CCDC146: variants seen among roughly 807,000 people sequenced by gnomAD.
CCDC146 encodes the protein coiled-coil domain containing 146, also known as coiled-coil domain-containing protein 146.
Under a neutral mutation model 119.3 loss-of-function variants are expected in CCDC146, and 92 were observed. The ratio of observed to expected loss-of-function variants is 0.77; its 90% CI spans 0.65 to 0.92. CCDC146 has a LOEUF of 0.92. CCDC146 is among the 40% of genes least tolerant of loss of function. CCDC146 has a pLI of 0.00. For missense variants in CCDC146, 1,000 were observed against 1,103.0 expected, an observed-to-expected ratio of 0.91 and a Z score of 1.32; for synonymous variants, 372 against 371.8, an observed-to-expected ratio of 1.00 and a Z score of -0.01.
intron 11 of CCDC146, 52 bp downstream of exon 11, chr7:77,274,704 C>A (rs991480377): frequency 3.5e-6 from 5 of 1,446,198 alleles, no homozygotes; most frequent in Admixed American, 2.0e-5. Flanking sequence ...TTCAGGGTAG[C>A]CTCATTATAA....
At chr7:77,265,043 C>T (rs1435663508) in intron 9 of CCDC146, among the ~76,000 whole-genome samples, 3 of 152,148 alleles carry the variant, frequency 2.0e-5, no homozygotes, top group African/African-American at 7.2e-5. Context: ...TCCAACTTTC[C>T]AAGTTATTCT....
rs1410109408 is a variant in CCDC146, at chr7:77,295,170, A to T, written c.*304A>T. 5 of 245,964 alleles carry T rather than the reference A, an allele frequency of 2.0e-5. No homozygotes were observed. The highest frequency in any genetic ancestry group is 3.9e-5 in the Non-Finnish European group (5 of 126,650). 15.2% of individuals were successfully genotyped at this position (245,964 alleles called of 1,614,324 possible). A position where few individuals can be genotyped will look rare whatever the true frequency, so the allele number is the denominator to read the frequency against. ...AAATTTGTAGTAGGCAAGGTGCTAT[A>T]AAAATGCACTAAAAATAAATCTGTT... On this transcript the variant is annotated 3_prime_UTR_variant, in exon 19 of 19. Transcript: ENST00000285871.
chr7:77,172,423 T>C (rs975965707), intron 2 of CCDC146, among the ~76,000 whole-genome samples: 18 of 152,234 alleles, frequency 1.2e-4, no homozygotes, highest in Non-Finnish European at 2.5e-4. Context: ...AGAAATCCAC[T>C]TCCAAGGGTC....
chr7:77,179,797 A>C (rs1791555157), intron 2 of CCDC146, among the ~76,000 whole-genome samples: 1 of 152,198 alleles, frequency 6.6e-6, no homozygotes, highest in African/African-American at 2.4e-5. Context: ...TTATTGTTCA[A>C]CTAATCTCTA....
chr7:77,267,579 C>G (rs1004050096), intron 9 of CCDC146, among the ~76,000 whole-genome samples: 1 of 151,604 alleles, frequency 6.6e-6, no homozygotes, highest in African/African-American at 2.4e-5. Flanking sequence ...TCTTTAGACC[C>G]CTGTTCATCA....
chr7:77,142,432 CCATGTGTACATGTATACATGTGT>C (rs1041330392), intron 1 of CCDC146, among the ~76,000 whole-genome samples: 2 of 148,884 alleles, frequency 1.3e-5, no homozygotes, highest in African/African-American at 4.9e-5. Flanking sequence ...TATACATGTG[CCATGTGTACATGTATACATGTGT>C]ACAATGTGCA....
At chr7:77,152,747 C>G (rs1584027932) in intron 1 of CCDC146, among the ~76,000 whole-genome samples, 1 of 152,090 alleles carries the variant, frequency 6.6e-6, no homozygotes, top group East Asian at 1.9e-4. Context: ...TCTTTTCCAG[C>G]CTATAGATAA....
At chr7:77,257,563 C>CTAAGT (rs745583214) in intron 6 of CCDC146, among the ~76,000 whole-genome samples, 65 of 152,256 alleles carry the variant, frequency 4.3e-4, no homozygotes, top group Non-Finnish European at 6.8e-4. Context: ...GATGCTGCAC[C>CTAAGT]TAAGTTAGCA....
intron 3 of CCDC146, among the ~76,000 whole-genome samples, chr7:77,240,897 C>A (rs1326461059): frequency 3.3e-5 from 5 of 151,962 alleles, no homozygotes; most frequent in African/African-American, 9.7e-5. Flanking sequence ...CTATATTTAG[C>A]CCTCATCTCT....
intron 1 of CCDC146, among the ~76,000 whole-genome samples, chr7:77,140,264 G>A (rs1255072119): frequency 6.6e-6 from 1 of 151,946 alleles, no homozygotes; most frequent in African/African-American, 2.4e-5. Flanking sequence ...TTACAATAAT[G>A]TACAGAATAT....
At chr7:77,279,142 T>G (rs1248591121) in intron 13 of CCDC146, 41 bp downstream of exon 13, 1 of 1,587,190 alleles carries the variant, frequency 6.3e-7, no homozygotes, top group South Asian at 1.2e-5. Context: ...AAGGCTTGTT[T>G]TCTGATTCAT....
intron 9 of CCDC146, among the ~76,000 whole-genome samples, chr7:77,271,513 G>GATATATATATATATATATAT (rs56661430): frequency 1.4e-5 from 1 of 71,380 alleles, no homozygotes; most frequent in Non-Finnish European, 2.6e-5. Context: ...ACTAATAGGA[G>GATATATATATATATATATAT]ATATATATAT....
chr7:77,279,505 T>C (rs1447922335), intron 13 of CCDC146, among the ~76,000 whole-genome samples: 1 of 152,178 alleles, frequency 6.6e-6, no homozygotes, highest in African/African-American at 2.4e-5. Context: ...GATTGGGAAG[T>C]TAGAAAACAA....
At chr7:77,211,235 T>G (rs1792176265) in intron 2 of CCDC146, among the ~76,000 whole-genome samples, 1 of 152,220 alleles carries the variant, frequency 6.6e-6, no homozygotes, top group Non-Finnish European at 1.5e-5. Context: ...TTCTTGTGGT[T>G]CTTCATAGTT....
chr7:77,284,761 GATC>G (rs2150551282), intron 15 of CCDC146, among the ~76,000 whole-genome samples: 1 of 151,922 alleles, frequency 6.6e-6, no homozygotes, highest in South Asian at 2.1e-4. Context: ...GGTGAATTTT[GATC>G]ATTTTGATTG....
intron 2 of CCDC146, among the ~76,000 whole-genome samples, chr7:77,214,260 A>G (rs1476239210): frequency 2.6e-5 from 4 of 151,916 alleles, no homozygotes; most frequent in Non-Finnish European, 5.9e-5. Context: ...TTCTTTTGGG[A>G]AGTGTCTGTT....
rs943219018 is a variant in CCDC146, at chr7:77,202,105, C to T, written c.156+34281C>T. On this transcript the variant is annotated intron_variant, in intron 2 of 18. Coordinates refer to ENST00000285871, the MANE Select transcript of CCDC146 (RefSeq NM_020879.3). ...GCATATATAAGATGCGTGCCACAGG[C>T]ACTTTCATTCATTTATTCCTCATAC... Among the ~76,000 whole-genome samples the T allele has an allele frequency of 9.2e-5, 14 of 152,226 alleles. 1 individual carries two copies. Among genetic ancestry groups the T allele is most frequent in the Non-Finnish European group, 1.5e-5 (1 of 68,048 alleles).
chr7:77,123,040 A>T (rs1032309059), intron 1 of CCDC146, among the ~76,000 whole-genome samples: 2 of 143,482 alleles, frequency 1.4e-5, no homozygotes, highest in African/African-American at 5.2e-5. Context: ...CCTTGCCTCA[A>T]AGGGTTTTTG....
intron 1 of CCDC146, among the ~76,000 whole-genome samples, chr7:77,156,687 C>T (rs182425537): frequency 6.6e-6 from 1 of 152,076 alleles, no homozygotes; most frequent in South Asian, 2.1e-4. Flanking sequence ...AAAATCTAGG[C>T]AGGAATAACT....
Sources: allele counts gnomAD v4.1 joint callset (sites outside exome capture counted in the v4.1 genomes callset), GRCh38; gene constraint gnomAD v4.1.1; transcripts MANE v1.5; gene names NCBI Gene and HGNC (gene_info 2026-07-23, HGNC 2026-07-21).